Variants in ASTN2 observed in about 807,000 individuals in gnomAD.
ASTN2 encodes the protein astrotactin-2.
A neutral mutation model predicts 139.8 loss-of-function variants in ASTN2; 54 were observed. The observed-to-expected ratio is 0.39, with a 90% CI of 0.31 to 0.48. ASTN2 has a LOEUF of 0.48. Ranked by LOEUF, ASTN2 falls within the 20% of genes least tolerant of loss-of-function variation. The pLI, the probability that ASTN2 is intolerant of heterozygous loss-of-function variation, is 0.95. For synonymous variants in ASTN2, 756 were observed against 719.5 expected (o/e 1.05, Z -0.81); for missense variants, 1,565 against 1,725.1 (o/e 0.91, Z 1.64).
In ASTN2 at chr9:116,948,785, G is replaced by GTTTTTTTTTTTTTTTTTTTTTT. The variant is rs58832163; in HGVS notation, c.1889+26401_1889+26422dup. The stretch of plus-strand genomic sequence containing the variant: ...AGAGAGAGGAGAGAAATAATTTGGT[G>GTTTTTTTTTTTTTTTTTTTTTT]TTTTTTTTTTTTTTTTTTTTTTTTT... On this transcript the variant is annotated intron_variant, in intron 10 of 22. Transcript: ENST00000313400. 2.8e-4 allele frequency among the ~76,000 whole-genome samples: 14 copies of GTTTTTTTTTTTTTTTTTTTTTT among 49,474 alleles called. 5 individuals carry two copies. The highest frequency in any genetic ancestry group is 1.0e-3 in the African/African-American group (12 of 11,590). 32.5% of individuals were successfully genotyped at this position (49,474 alleles called of 152,430 possible).
At chr9:116,514,382 C>T (rs1850545334) in intron 19 of ASTN2, among the ~76,000 whole-genome samples, 1 of 151,514 alleles carries the variant, frequency 6.6e-6, no homozygotes, top group African/African-American at 2.4e-5. Flanking sequence ...AGAGAGTTAC[C>T]CAGCTGTGTG....
chr9:117,216,255 C>T (rs1046128617), intron 2 of ASTN2, among the ~76,000 whole-genome samples: 1 of 152,196 alleles, frequency 6.6e-6, no homozygotes, highest in Non-Finnish European at 1.5e-5. Flanking sequence ...TATTAGAAAA[C>T]TGGCATGTTC....
At chr9:116,654,474 A>C (rs1443271969) in intron 16 of ASTN2, among the ~76,000 whole-genome samples, 2 of 152,222 alleles carry the variant, frequency 1.3e-5, no homozygotes, top group Non-Finnish European at 2.9e-5. Flanking sequence ...TTGTGGAATC[A>C]AATGCACCAT....
At chr9:116,959,328 A>G (rs1225240609) in intron 10 of ASTN2, among the ~76,000 whole-genome samples, 1 of 152,204 alleles carries the variant, frequency 6.6e-6, no homozygotes, top group Non-Finnish European at 1.5e-5. Context: ...AAAGCACTCA[A>G]GAAGGCTGAA....
chr9:116,628,577 G>C (rs1399904837), intron 17 of ASTN2, among the ~76,000 whole-genome samples: 1 of 152,164 alleles, frequency 6.6e-6, no homozygotes, highest in African/African-American at 2.4e-5. Context: ...TTAGGGAGAA[G>C]TGAAGGATGA....
chr9:116,596,498 G>A (rs1854585868), intron 19 of ASTN2, among the ~76,000 whole-genome samples: 1 of 152,096 alleles, frequency 6.6e-6, no homozygotes, highest in Non-Finnish European at 1.5e-5. Context: ...ATTATTGGAG[G>A]CGATGGGTAT....
chr9:117,220,442 G>C (rs1005767701), intron 2 of ASTN2, among the ~76,000 whole-genome samples: 1 of 152,142 alleles, frequency 6.6e-6, no homozygotes, highest in African/African-American at 2.4e-5. Flanking sequence ...AATCTCAGAA[G>C]GTGACTTCAG....
At chr9:117,230,460 T>C (rs1417503283) in intron 2 of ASTN2, among the ~76,000 whole-genome samples, 1 of 152,196 alleles carries the variant, frequency 6.6e-6, no homozygotes, top group Non-Finnish European at 1.5e-5. Context: ...TACCACTCAT[T>C]GGATTTAGGG....
chr9:117,120,006 G>GTATA (rs1247910636), intron 4 of ASTN2, among the ~76,000 whole-genome samples: 12 of 44,548 alleles, frequency 2.7e-4, no homozygotes, highest in African/African-American at 7.4e-4. Flanking sequence ...GTGTGTGTGT[G>GTATA]TGTGTGTGTG....
At chr9:116,576,915 C>T (rs1307954154) in intron 19 of ASTN2, among the ~76,000 whole-genome samples, 2 of 152,188 alleles carry the variant, frequency 1.3e-5, no homozygotes, top group Non-Finnish European at 2.9e-5. Context: ...CAATCATCAT[C>T]TCTTCCCTGG....
intron 4 of ASTN2, among the ~76,000 whole-genome samples, chr9:117,114,652 A>G (rs1251555685): frequency 6.6e-6 from 1 of 152,146 alleles, no homozygotes; most frequent in African/African-American, 2.4e-5. Context: ...GAAATTCTTG[A>G]CATACTTCTT....
intron 22 of ASTN2, among the ~76,000 whole-genome samples, chr9:116,427,032 CGA>C (rs750218024): frequency 6.6e-6 from 1 of 152,018 alleles, no homozygotes; most frequent in Admixed American, 6.6e-5. Flanking sequence ...ATATCCAGCA[CGA>C]GAGAGGGGAG....
intron 4 of ASTN2, among the ~76,000 whole-genome samples, chr9:117,101,878 A>C (rs1828986714): frequency 6.6e-6 from 1 of 152,218 alleles, no homozygotes; most frequent in Non-Finnish European, 1.5e-5. Flanking sequence ...AATGGAAAAT[A>C]GCAGATGTTG....
At chr9:117,285,983 G>A (rs114542243) in intron 2 of ASTN2, among the ~76,000 whole-genome samples, 19 of 152,042 alleles carry the variant, frequency 1.2e-4, no homozygotes, top group African/African-American at 4.3e-4. Flanking sequence ...AAACAAAAGC[G>A]CCAAGATAAA....
chr9:116,730,038 A>G (rs752668379), intron 14 of ASTN2, among the ~76,000 whole-genome samples: 8 of 152,190 alleles, frequency 5.3e-5, no homozygotes, highest in Non-Finnish European at 1.2e-4. Context: ...TTGTTTTCTG[A>G]CTTATATTCA....
chr9:116,837,933 C>G (rs1328025340), intron 11 of ASTN2, among the ~76,000 whole-genome samples: 3 of 152,082 alleles, frequency 2.0e-5, no homozygotes, highest in Admixed American at 2.0e-4. Context: ...GCTATGACAC[C>G]TTGAGCTAGT....
intron 13 of ASTN2, among the ~76,000 whole-genome samples, chr9:116,788,565 CAGTCA>C (rs1564267478): frequency 6.6e-6 from 1 of 152,100 alleles, no homozygotes; most frequent in Non-Finnish European, 1.5e-5. Flanking sequence ...TATGTGATGA[CAGTCA>C]AGTCATCAGA....
chr9:117,025,798 C>CT (rs111710831), intron 6 of ASTN2, among the ~76,000 whole-genome samples: 5,067 of 144,406 alleles, frequency 0.035, 233 homozygotes, highest in African/African-American at 0.1. Flanking sequence ...CTTTTCTTTT[C>CT]TTTTTTTTTT....
At chr9:116,769,065 A>G (rs1829889413) in intron 13 of ASTN2, among the ~76,000 whole-genome samples, 1 of 152,216 alleles carries the variant, frequency 6.6e-6, no homozygotes, top group Non-Finnish European at 1.5e-5. Context: ...AAAACAACAT[A>G]CATGGGATGC....
Sources: allele counts gnomAD v4.1 joint callset (sites outside exome capture counted in the v4.1 genomes callset), GRCh38; gene constraint gnomAD v4.1.1; transcripts MANE v1.5; gene names NCBI Gene and HGNC (gene_info 2026-07-23, HGNC 2026-07-21).